Variants in GRID2 observed in about 807,000 individuals in gnomAD.
GRID2 encodes the protein glutamate ionotropic receptor delta type subunit 2, also known as glutamate receptor ionotropic, delta-2.
In GRID2, 33 loss-of-function variants were observed where a neutral mutation model predicts 114.8. The observed-to-expected ratio is 0.29, with a 90% CI of 0.22 to 0.38. The LOEUF is 0.38. Among genes scored for constraint, GRID2 ranks in the 10% least tolerant of loss-of-function variants. GRID2 has a pLI of 1.00. For missense variants in GRID2, 1,184 were observed against 1,257.7 expected (o/e 0.94, Z 0.89); for synonymous variants, 505 against 449.9 (o/e 1.12, Z -1.55).
intron 5 of GRID2, among the ~76,000 whole-genome samples, chr4:93,209,801 G>C (rs1188017074): frequency 1.3e-5 from 2 of 151,992 alleles, no homozygotes; most frequent in Non-Finnish European, 2.9e-5. Context: ...ATTATGACTG[G>C]TGTGAGATGG....
intron 1 of GRID2, among the ~76,000 whole-genome samples, chr4:92,442,560 A>C (rs911736007): frequency 6.6e-6 from 1 of 151,938 alleles, no homozygotes; most frequent in South Asian, 2.1e-4. Flanking sequence ...TTTTTCTATT[A>C]TTGTACACCT....
chr4:93,131,863 C>CA (rs1270579155), intron 4 of GRID2, among the ~76,000 whole-genome samples: 1 of 152,078 alleles, frequency 6.6e-6, no homozygotes, highest in African/African-American at 2.4e-5. Context: ...CCTATGTATA[C>CA]AACTAGCACT....
chr4:93,178,160 C>A (rs184301924), intron 4 of GRID2, among the ~76,000 whole-genome samples: 1 of 151,096 alleles, frequency 6.6e-6, no homozygotes, highest in South Asian at 2.1e-4. Context: ...TTCTCCCTTA[C>A]TAATCATCCT....
intron 1 of GRID2, among the ~76,000 whole-genome samples, chr4:92,584,676 T>C (rs746195125): frequency 3.9e-5 from 6 of 152,002 alleles, no homozygotes; most frequent in Non-Finnish European, 8.8e-5. Flanking sequence ...ATCATCATTA[T>C]AGTACTATTT....
intron 13 of GRID2, among the ~76,000 whole-genome samples, chr4:93,577,102 TAG>T (rs1019099013): frequency 1.3e-5 from 2 of 152,336 alleles, no homozygotes; most frequent in African/African-American, 4.8e-5. Flanking sequence ...TGGTTTAATA[TAG>T]ACAAAGAGTC....
intron 2 of GRID2, among the ~76,000 whole-genome samples, chr4:93,049,227 A>T (rs1364043554): frequency 6.6e-6 from 1 of 152,108 alleles, no homozygotes; most frequent in Non-Finnish European, 1.5e-5. Flanking sequence ...TATGAATTTC[A>T]AAATAATACA....
At chr4:93,647,014 A>G (rs1259177213) in intron 14 of GRID2, among the ~76,000 whole-genome samples, 1 of 152,166 alleles carries the variant, frequency 6.6e-6, no homozygotes, top group Non-Finnish European at 1.5e-5. Context: ...AGATGTATAA[A>G]TGTGAAATTC....
At chr4:93,781,079 A>G (rs942747310) in intron 1 of GRID2, among the ~76,000 whole-genome samples, 5 of 152,234 alleles carry the variant, frequency 3.3e-5, no homozygotes, top group African/African-American at 1.2e-4. Flanking sequence ...AGAAAGATGG[A>G]TATAATTTTC....
At chr4:93,438,381 A>C (rs1055335832) in intron 10 of GRID2, among the ~76,000 whole-genome samples, 1 of 152,132 alleles carries the variant, frequency 6.6e-6, no homozygotes, top group Admixed American at 6.6e-5. Context: ...GATGAGTAGG[A>C]GTATAAGAGG....
chr4:92,679,641 G>T (rs892427896), intron 2 of GRID2, among the ~76,000 whole-genome samples: 1 of 151,836 alleles, frequency 6.6e-6, no homozygotes, highest in Middle Eastern at 3.2e-3. Flanking sequence ...AACTGAACAG[G>T]TTCATTTTTA....
intron 14 of GRID2, among the ~76,000 whole-genome samples, chr4:93,631,883 T>C (rs1316568842): frequency 6.6e-6 from 1 of 152,218 alleles, no homozygotes; most frequent in African/African-American, 2.4e-5. Flanking sequence ...ACCTGTTGTT[T>C]CCTGACTTTT....
chr4:92,546,307 C>T (rs1208851450), intron 1 of GRID2, among the ~76,000 whole-genome samples: 1 of 152,138 alleles, frequency 6.6e-6, no homozygotes, highest in African/African-American at 2.4e-5. Context: ...TTGTTTGCTT[C>T]ATGAATGTGA....
intron 14 of GRID2, among the ~76,000 whole-genome samples, chr4:93,679,384 A>G (rs1490491374): frequency 6.6e-6 from 1 of 150,980 alleles, no homozygotes; most frequent in South Asian, 2.1e-4. Flanking sequence ...CAGAAAGTTA[A>G]CAAGGATACC....
downstream of GRID2, among the ~76,000 whole-genome samples, chr4:93,774,952 G>A (rs1265089399): frequency 2.6e-5 from 4 of 151,830 alleles, no homozygotes; most frequent in Admixed American, 2.6e-4. Context: ...ATTAAACTTA[G>A]GATTTATTTC....
At chr4:93,043,901 C>A (rs1015913504) in intron 2 of GRID2, among the ~76,000 whole-genome samples, 1 of 151,232 alleles carries the variant, frequency 6.6e-6, no homozygotes, top group Admixed American at 6.6e-5. Context: ...TACCCTAGAA[C>A]TTAAAGTATA....
At chr4:92,684,182 A>G (rs1482136349) in intron 2 of GRID2, among the ~76,000 whole-genome samples, 1 of 152,032 alleles carries the variant, frequency 6.6e-6, no homozygotes, top group Non-Finnish European at 1.5e-5. Context: ...ATATAAAAGT[A>G]CAATATTTTG....
intron 1 of GRID2, among the ~76,000 whole-genome samples, chr4:92,357,140 A>G (rs1351704254): frequency 1.3e-5 from 2 of 151,622 alleles, no homozygotes; most frequent in South Asian, 2.1e-4. Flanking sequence ...AAATACTTCT[A>G]TTTGGAAAAA....
In GRID2 at chr4:93,380,444, G is replaced by T. The variant is rs1391659021; in HGVS notation, c.1246-15163G>T. On this transcript the variant is annotated intron_variant, in intron 8 of 15. Coordinates refer to ENST00000282020, the MANE Select transcript of GRID2 (RefSeq NM_001510.4). ...TAAGCAGATGACTTTGGGGCAGTTT[G>T]TTATGGCAGCCATTGAAAGCAAGTC... Among the ~76,000 whole-genome samples the T allele has an allele frequency of 2.7e-5, 4 of 150,628 alleles. No homozygotes were observed. The Admixed American group carries it at 2.7e-4, about 10-fold the overall frequency.
At chr4:93,163,564 G>GTTT (rs112875511) in intron 4 of GRID2, among the ~76,000 whole-genome samples, 1 of 138,096 alleles carries the variant, frequency 7.2e-6, no homozygotes, top group African/African-American at 2.7e-5. Flanking sequence ...GCACTTGCCA[G>GTTT]TTTTTTTTTT....
Sources: allele counts gnomAD v4.1 joint callset (sites outside exome capture counted in the v4.1 genomes callset), GRCh38; gene constraint gnomAD v4.1.1; transcripts MANE v1.5; gene names NCBI Gene and HGNC (gene_info 2026-07-23, HGNC 2026-07-21).